Variants in SLC35B1 observed in about 807,000 individuals in gnomAD.
SLC35B1 encodes solute carrier family 35 member B1.
Under a neutral mutation model 36.6 loss-of-function variants are expected in SLC35B1, and 27 were observed. That is an observed-to-expected ratio of 0.74 (90% CI 0.54 to 1.02). The LOEUF (loss-of-function observed/expected upper bound fraction) is 1.02, where lower values mean the gene tolerates loss of function less well. Ranked by LOEUF, SLC35B1 falls within the 50% of genes least tolerant of loss-of-function variation. The probability of loss-of-function intolerance (pLI) is 0.00; values close to 1 mark genes in which losing one functional copy is unlikely to be tolerated. For synonymous variants in SLC35B1, 162 were observed against 152.5 expected (o/e 1.06, Z -0.46); for missense variants, 321 against 383.2 (o/e 0.84, Z 1.35).
At chr17:49,701,921 C>T (rs1298749683) in intron 8 of SLC35B1, 7 of 327,654 alleles carry the variant, frequency 2.1e-5, no homozygotes, top group Non-Finnish European at 3.7e-5. Context: ...AAGACCCCAT[C>T]GCTACAAAAA....
rs1742119157 is a variant in SLC35B1, at chr17:49,701,437, G to A, written c.*21C>T. ...AGATAATAACTTAAATATTCTTGATGTGGAGGTAGTCTCTCTCTTCCTAGT... is the reference window on the plus strand; with the variant it reads ...AGATAATAACTTAAATATTCTTGATATGGAGGTAGTCTCTCTCTTCCTAGT... On this transcript the variant is annotated 3_prime_UTR_variant, in exon 9 of 9. Transcript: ENST00000240333. 1.3e-6 allele frequency: 2 copies of A among 1,593,558 alleles called. No individual in the cohort carries two copies. Among genetic ancestry groups the A allele is most frequent in the East Asian group, 2.2e-5 (1 of 44,794 alleles).
intron 2 of SLC35B1, 29 bp from the exon 3 acceptor site, chr17:49,706,363 AAAGAAAAGAAAAG>A: frequency 8.9e-7 from 1 of 1,119,504 alleles, no homozygotes. Flanking sequence ...AAAAAAAAAA[AAAGAAAAGAAAAG>A]AAAAAAAAAA....
At chr17:49,707,138 C>G (rs1598012762) in intron 1 of SLC35B1, 70 bp from the exon 2 acceptor site, 30 of 1,432,582 alleles carry the variant, frequency 2.1e-5, no homozygotes, top group Middle Eastern at 1.8e-4. Context: ...TAATATATCC[C>G]GAGCCACTGA....
intron 4 of SLC35B1, 147 bp from the exon 5 acceptor site, chr17:49,705,428 G>C: frequency 1.3e-6 from 1 of 772,142 alleles, no homozygotes; most frequent in Non-Finnish European, 2.0e-6. Context: ...GAGGGTGCCA[G>C]GCTGGCACCT....
Position 49,701,106 on chromosome 17 carries a change from G to A in SLC35B1, c.*352C>T, listed in dbSNP as rs186713940. On this transcript the variant is annotated 3_prime_UTR_variant, in exon 9 of 9. Coordinates refer to ENST00000240333, the MANE Select transcript of SLC35B1 (RefSeq NM_005827.4). The stretch of plus-strand genomic sequence containing the variant: ...ACAGAAGCCATTAGCACAATTCTGC[G>A]ATCTCACAGAGTTCCTCCCTATAAT... 8.3e-4 allele frequency: 171 copies of A among 205,498 alleles called. No homozygotes were observed. The highest frequency in any genetic ancestry group is 3.8e-3 in the African/African-American group (165 of 43,532). 12.7% of individuals were successfully genotyped at this position (205,498 alleles called of 1,614,324 possible).
rs61136804 is a variant in SLC35B1 at position 49,706,346 on chromosome 17, CAAAAAAAA to C, written c.209-20_209-13del. On this transcript the variant is annotated splice_polypyrimidine_tract_variant and intron_variant, in intron 2 of 8. Coordinates refer to ENST00000240333, the MANE Select transcript of SLC35B1 (RefSeq NM_005827.4). The stretch of plus-strand genomic sequence containing the variant: ...AAAAAACTGGATCACTGGGAGAAGA[CAAAAAAAA>C]AAAAAAAAAAAGAAAAGAAAAGAAA... The C allele has an allele frequency of 9.3e-5, 68 of 733,572 alleles. No homozygotes were observed. Among genetic ancestry groups the C allele is most frequent in the South Asian group, 2.8e-4 (6 of 21,780 alleles). 45.4% of individuals were successfully genotyped at this position (733,572 alleles called of 1,614,324 possible). A position where few individuals can be genotyped will look rare whatever the true frequency, so the allele number is the denominator to read the frequency against.
chr17:49,704,353 T>C, intron 5 of SLC35B1, 127 bp from the exon 6 acceptor site: 3 of 1,218,782 alleles, frequency 2.5e-6, no homozygotes, highest in Non-Finnish European at 3.4e-6. Flanking sequence ...GAACAAAACG[T>C]TGCCATTTGG....
Position 49,705,300 on chromosome 17 carries a change from G to C in SLC35B1, c.371-19C>G. 1 of 1,613,016 alleles carries C rather than the reference G, an allele frequency of 6.2e-7. No individual in the cohort carries two copies. Among genetic ancestry groups the C allele is most frequent in the South Asian group, 1.1e-5 (1 of 90,966 alleles). On this transcript the variant is annotated intron_variant, in intron 4 of 8. Coordinates refer to ENST00000240333, the MANE Select transcript of SLC35B1 (RefSeq NM_005827.4). ...AGCATGACTACAGGGAAAAAACAGA[G>C]TGGAAAATTCAGGCATCCATAAGGT...
intron 6 of SLC35B1, chr17:49,703,579 C>T (rs1022653749): frequency 1.0e-5 from 4 of 393,210 alleles, no homozygotes; most frequent in South Asian, 2.2e-5. Flanking sequence ...TCCTCAGATG[C>T]TGTAGAGATG....
Position 49,701,571 on chromosome 17 carries a change from G to A in SLC35B1, c.917-61C>T, listed in dbSNP as rs540977245. On this transcript the variant is annotated intron_variant, in intron 8 of 8. Coordinates refer to ENST00000240333, the MANE Select transcript of SLC35B1 (RefSeq NM_005827.4). ...GGGGAAATGAAACTTACCAATGATT[G>A]TGGTGGGGTGGGGTAGTCGGCCTTG... The A allele has an allele frequency of 4.9e-6, 7 of 1,431,276 alleles. No homozygotes were observed. In the African/African-American group the frequency reaches 9.8e-5, roughly 20 times the overall value. 88.7% of individuals were successfully genotyped at this position (1,431,276 alleles called of 1,614,324 possible).
chr17:49,705,378 A>C (rs1380169462), intron 4 of SLC35B1, 97 bp from the exon 5 acceptor site: 1 of 1,246,980 alleles, frequency 8.0e-7, no homozygotes, highest in Non-Finnish European at 1.1e-6. Flanking sequence ...ACTCAGGGAG[A>C]AAAGAATGAC....
At chr17:49,705,957 G>C in intron 3 of SLC35B1, 61 bp from the exon 4 acceptor site, 2 of 1,535,576 alleles carry the variant, frequency 1.3e-6, no homozygotes, top group African/African-American at 1.4e-5. Flanking sequence ...ACTATGCTAG[G>C]TACCGCACTG....
At chr17:49,708,174 A>G, upstream of SLC35B1, 1 of 663,976 alleles carries the variant, frequency 1.5e-6, no homozygotes, top group Non-Finnish European at 2.7e-6. Context: ...GACAACTGCG[A>G]CCCAGAGCAC....
rs777479244 is a variant in SLC35B1, at chr17:49,707,950, C to T, written c.-117G>A. On this transcript the variant is annotated 5_prime_UTR_variant, in exon 1 of 9. Coordinates refer to ENST00000240333, the MANE Select transcript of SLC35B1 (RefSeq NM_005827.4). ...ACCGGCGGCAGGGGCCTCATAGGAG[C>T]TGCATGCGACCGCTGTCCAGCAGGG... 17 of 1,551,218 alleles carry T rather than the reference C, an allele frequency of 1.1e-5. No individual in the cohort carries two copies. The highest frequency in any genetic ancestry group is 1.2e-5 in the Non-Finnish European group (14 of 1,147,494).
rs778543480 is a variant in SLC35B1, at chr17:49,702,894, G to A, written c.880C>T (p.Pro294Ser). ...AGCACAGTGCCCACCCACTGCATGGGGCTGATGGGATTGGCGAAGAGGATC... is the reference window on the plus strand; with the variant it reads ...AGCACAGTGCCCACCCACTGCATGGAGCTGATGGGATTGGCGAAGAGGATC... Reference protein sequence around the residue: ...SVILFANPISPMQWVGTVLVF... With the variant: ...SVILFANPISSMQWVGTVLVF... The change falls in exon 8 of 9, where the codon CCC becomes TCC. Residue 294 changes from proline to serine, a missense_variant. By Grantham distance (74) the Pro-to-Ser change is moderately conservative. Coordinates refer to ENST00000240333, the MANE Select transcript of SLC35B1 (RefSeq NM_005827.4). 1.9e-6 allele frequency: 3 copies of A among 1,614,122 alleles called. No homozygotes were observed. The highest frequency in any genetic ancestry group is 2.5e-6 in the Non-Finnish European group (3 of 1,180,022).
rs1319656167 is a variant in SLC35B1, at chr17:49,703,027, G to A, written c.763-16C>T. ...AGATGAAGCTCTAGAGAAAGATAAAGGTGAGGTCCGGTGGGCTTCTGGGTA... is the reference window on the plus strand; with the variant it reads ...AGATGAAGCTCTAGAGAAAGATAAAAGTGAGGTCCGGTGGGCTTCTGGGTA... On this transcript the variant is annotated splice_polypyrimidine_tract_variant and intron_variant, in intron 7 of 8. Transcript: ENST00000240333. The A allele has an allele frequency of 1.9e-6, 3 of 1,613,762 alleles. No homozygotes were observed. The highest frequency in any genetic ancestry group is 1.7e-5 in the Admixed American group (1 of 60,010).
chr17:49,707,059 T>C lies in SLC35B1; in HGVS notation c.114A>G (p.Gly38=). The C allele has an allele frequency of 6.2e-7, 1 of 1,613,056 alleles. No homozygotes were observed. The highest frequency in any genetic ancestry group is 8.5e-7 in the Non-Finnish European group (1 of 1,179,210). The change falls in exon 2 of 9, where the codon GGA becomes GGG. Residue 38 remains glycine (G), a synonymous_variant. Transcript: ENST00000240333. The part of the protein sequence containing the change: ...YGILQEKITR[G]KYGEGAKQET... ...CCTGCTTGGCTCCTTCCCCATACTT[T>C]CCTCTTGTTCTAGAAATGAAATGCA...
At chr17:49,704,721 T>C (rs756346561) in intron 5 of SLC35B1, among the ~76,000 whole-genome samples, 5 of 152,174 alleles carry the variant, frequency 3.3e-5, no homozygotes, top group Non-Finnish European at 5.9e-5. Flanking sequence ...GTTGTAAAAA[T>C]TAGTCAATTA....
At chr17:49,705,834 G>A (rs756969319) in intron 4 of SLC35B1, 32 bp downstream of exon 4, 32 of 1,607,588 alleles carry the variant, frequency 2.0e-5, no homozygotes, top group Admixed American at 8.3e-5. Context: ...GAAGAGTGAC[G>A]ACAGAAGAGG....
Sources: allele counts gnomAD v4.1 joint callset (sites outside exome capture counted in the v4.1 genomes callset), GRCh38; gene constraint gnomAD v4.1.1; transcripts MANE v1.5; gene names NCBI Gene and HGNC (gene_info 2026-07-23, HGNC 2026-07-21).